SLC9A7: variants seen among roughly 807,000 people sequenced by gnomAD.
The protein encoded by SLC9A7 is solute carrier family 9 member A7.
In SLC9A7, 19 loss-of-function variants were observed where a neutral mutation model predicts 52.6. The ratio of observed to expected loss-of-function variants is 0.36; its 90% confidence interval spans 0.25 to 0.53. The LOEUF is 0.53. Ranked by LOEUF, SLC9A7 falls within the 20% of genes least tolerant of loss-of-function variation. The pLI is 0.91. For missense variants in SLC9A7, 455 were observed against 597.9 expected (o/e 0.76, Z 2.49); for synonymous variants, 226 against 252.1 (o/e 0.90, Z 0.98).
chrX:46,667,674 C>T (rs1943943594), intron 5 of SLC9A7, among the ~76,000 whole-genome samples: 1 of 111,382 alleles, frequency 9.0e-6, no homozygotes, highest in Admixed American at 9.5e-5. Flanking sequence ...AGTGGGGTAT[C>T]TTAATATCTT....
rs183769928 is a variant in SLC9A7, at chrX:46,751,605, C to T, written c.325+7100G>A. 1.8e-4 allele frequency among the ~76,000 whole-genome samples: 20 copies of T among 110,904 alleles called. 1 individual carries two copies. The highest frequency in any genetic ancestry group is 6.2e-4 in the African/African-American group (19 of 30,441). ...GGTGGATGGCTTGAGCGCAGGAGTTCGAAATCAGCCTGGGCAACATGGCGA... is the reference window on the plus strand; with the variant it reads ...GGTGGATGGCTTGAGCGCAGGAGTTTGAAATCAGCCTGGGCAACATGGCGA... On this transcript the variant is annotated intron_variant, in intron 1 of 16. Coordinates refer to ENST00000616978, the MANE Select transcript of SLC9A7 (RefSeq NM_001257291.2).
intron 11 of SLC9A7, among the ~76,000 whole-genome samples, chrX:46,646,130 T>C (rs1282917384): frequency 9.0e-6 from 1 of 111,124 alleles, no homozygotes; most frequent in Non-Finnish European, 1.9e-5. Context: ...GCAGGTTACA[T>C]TCATCTTCCA....
At chrX:46,656,369 A>G (rs1432371842) in intron 7 of SLC9A7, among the ~76,000 whole-genome samples, 1,988 of 112,535 alleles carry the variant, frequency 0.018, 44 homozygotes, top group African/African-American at 0.06. Context: ...AAAGCTGGAC[A>G]GAGAATGACT....
At chrX:46,639,719 A>G (rs1198030942) in intron 12 of SLC9A7, among the ~76,000 whole-genome samples, 2 of 108,475 alleles carry the variant, frequency 1.8e-5, no homozygotes, top group African/African-American at 6.7e-5. Context: ...AAAGGAAGGA[A>G]AAAAAAAAAA....
chrX:46,675,747 C>G (rs749673236), intron 3 of SLC9A7, among the ~76,000 whole-genome samples: 2 of 112,680 alleles, frequency 1.8e-5, no homozygotes, highest in East Asian at 5.6e-4. Context: ...CTGCCCCACA[C>G]TGGGGAGGAA....
intron 1 of SLC9A7, among the ~76,000 whole-genome samples, chrX:46,683,716 C>A (rs1220940236): frequency 8.9e-6 from 1 of 112,206 alleles, no homozygotes; most frequent in Non-Finnish European, 1.9e-5. Flanking sequence ...AAACAAAAAA[C>A]CAGCCATAAA....
Position 46,734,555 on chromosome X carries a change from T to C in SLC9A7, c.325+24150A>G, listed in dbSNP as rs116661302. Among the ~76,000 whole-genome samples the C allele has an allele frequency of 5.8e-3, 652 of 111,911 alleles. 4 individuals carry two copies. Among genetic ancestry groups the C allele is most frequent in the African/African-American group, 0.02 (627 of 30,825 alleles). On this transcript the variant is annotated intron_variant, in intron 1 of 16. Transcript: ENST00000616978. ...ACTCATTTTTTAATGTAAATGTTCA[T>C]TACTTTTGTTCCTTTAAGTGCTGAC...
chrX:46,654,962 T>TTCTC (rs200298074), intron 7 of SLC9A7, among the ~76,000 whole-genome samples: 1 of 100,652 alleles, frequency 9.9e-6, no homozygotes, highest in Non-Finnish European at 2.0e-5. Context: ...GTATTTCTTT[T>TTCTC]TTTCTTTCTT....
At chrX:46,613,129 G>A (rs771905923) in intron 16 of SLC9A7, among the ~76,000 whole-genome samples, 160 bp downstream of exon 16, 1 of 110,191 alleles carries the variant, frequency 9.1e-6, no homozygotes, top group Non-Finnish European at 1.9e-5. Context: ...GTTACTATGC[G>A]AAATCTATAA....
At chrX:46,701,749 C>T (rs945264812) in intron 1 of SLC9A7, among the ~76,000 whole-genome samples, 2 of 111,222 alleles carry the variant, frequency 1.8e-5, no homozygotes, top group African/African-American at 6.5e-5. Flanking sequence ...TTCCTCAAGC[C>T]GGGCAGTGAG....
At chrX:46,702,562 G>T (rs921687399) in intron 1 of SLC9A7, among the ~76,000 whole-genome samples, 1 of 111,742 alleles carries the variant, frequency 8.9e-6, no homozygotes, top group African/African-American at 3.3e-5. Flanking sequence ...GTGTTAATTT[G>T]CTTAGGATTA....
chrX:46,725,302 C>G, intron 1 of SLC9A7: 5 of 1,149,428 alleles, frequency 4.3e-6, no homozygotes, highest in Non-Finnish European at 6.0e-6. Context: ...GCCAGAAGCT[C>G]ATCACCCAGT....
chrX:46,746,383 G>A (rs1921773035), intron 1 of SLC9A7, among the ~76,000 whole-genome samples: 1 of 110,177 alleles, frequency 9.1e-6, no homozygotes, highest in Admixed American at 9.7e-5. Flanking sequence ...AAAAATAATT[G>A]CAAACTATCC....
chrX:46,657,647 G>A (rs1458515398), intron 7 of SLC9A7, among the ~76,000 whole-genome samples: 1 of 109,986 alleles, frequency 9.1e-6, no homozygotes, highest in East Asian at 2.8e-4. Flanking sequence ...TAATGGTAAA[G>A]GGATCAATTC....
At chrX:46,725,367 C>A in intron 1 of SLC9A7, 1 of 1,195,513 alleles carries the variant, frequency 8.4e-7, no homozygotes. Context: ...GCCATAACTG[C>A]GACTCAGTGC....
intron 12 of SLC9A7, among the ~76,000 whole-genome samples, chrX:46,636,893 G>A (rs746742834): frequency 5.4e-5 from 6 of 112,128 alleles, no homozygotes; most frequent in African/African-American, 1.9e-4. Flanking sequence ...TGCTTCTTAA[G>A]GTGGTACTTT....
chrX:46,748,289 T>C (rs1192299492), intron 1 of SLC9A7, among the ~76,000 whole-genome samples: 1 of 102,273 alleles, frequency 9.8e-6, no homozygotes, highest in South Asian at 4.4e-4. Flanking sequence ...GAAGTTGCAG[T>C]GAGCCGAGAT....
At chrX:46,635,907 T>G (rs1442337945) in intron 12 of SLC9A7, among the ~76,000 whole-genome samples, 1 of 111,693 alleles carries the variant, frequency 9.0e-6, no homozygotes, top group African/African-American at 3.3e-5. Flanking sequence ...CAAAATATAA[T>G]GTAATAAAAT....
chrX:46,662,375 C>T (rs1276691374), intron 6 of SLC9A7, among the ~76,000 whole-genome samples, 163 bp downstream of exon 6: 1 of 111,767 alleles, frequency 8.9e-6, no homozygotes, highest in Non-Finnish European at 1.9e-5. Context: ...CTGATTGCTG[C>T]TGGGCACACA....
Sources: gnomAD v4.1 joint callset for allele counts (sites outside exome capture counted in the v4.1 genomes callset) on GRCh38, gnomAD v4.1.1 for gene constraint, MANE v1.5 for transcripts, NCBI Gene and HGNC (gene_info 2026-07-23, HGNC 2026-07-21) for gene names.